The following G2E3 variants were observed in gnomAD, a reference collection of about 807,000 sequenced individuals.
The protein encoded by G2E3 is G2/M-phase specific E3 ubiquitin protein ligase.
In G2E3, 35 loss-of-function variants were observed where a neutral mutation model predicts 92.8. That is an observed-to-expected ratio of 0.38 (90% CI 0.29 to 0.50). The LOEUF is 0.50. G2E3 is among the 20% of genes least tolerant of loss of function. The probability of loss-of-function intolerance (pLI) is 0.94; values close to 1 mark genes in which losing one functional copy is unlikely to be tolerated. For synonymous variants in G2E3, 242 were observed against 272.4 expected (o/e 0.89, Z 1.10); for missense variants, 554 against 823.8 (o/e 0.67, Z 4.01).
chr14:30,587,187 G>A (rs922753793), intron 3 of G2E3, among the ~76,000 whole-genome samples: 5 of 152,032 alleles, frequency 3.3e-5, no homozygotes, highest in Non-Finnish European at 5.9e-5. Context: ...TTCAGGGAGT[G>A]GAATAAAAGT....
intron 10 of G2E3, among the ~76,000 whole-genome samples, 187 bp from the exon 11 acceptor site, chr14:30,605,318 A>G (rs1881777687): frequency 6.6e-6 from 1 of 152,178 alleles, no homozygotes; most frequent in Non-Finnish European, 1.5e-5. Context: ...AGAATTTAAA[A>G]CTAAGATTAT....
rs1422222403 is a variant in G2E3 at position 30,617,713 on chromosome 14, A to G, written c.*1179A>G. The G allele has an allele frequency of 6.6e-6, 1 of 152,114 alleles. No individual in the cohort carries two copies. Among genetic ancestry groups the G allele is most frequent in the Non-Finnish European group, 1.5e-5 (1 of 67,946 alleles). The allele number at this position is 152,114 out of a possible 1,614,324, so 9.4% of individuals were successfully genotyped here. ...CTGTGTATCCTTCTATAAACTCTTT[A>G]CTTCTGTTTCCTTTATTTTTTAACT... On this transcript the variant is annotated 3_prime_UTR_variant, in exon 15 of 15. Coordinates refer to ENST00000206595, the MANE Select transcript of G2E3 (RefSeq NM_017769.5).
intron 4 of G2E3, 79 bp from the exon 5 acceptor site, chr14:30,592,244 A>C (rs1881051876): frequency 2.5e-6 from 3 of 1,193,282 alleles, no homozygotes; most frequent in Non-Finnish European, 3.7e-6. Context: ...CCCCACCAGG[A>C]GTATTTATTT....
At chr14:30,569,000 A>G (rs2075738413) in intron 1 of G2E3, among the ~76,000 whole-genome samples, 1 of 152,076 alleles carries the variant, frequency 6.6e-6, no homozygotes. Flanking sequence ...GGTCTACCAG[A>G]CCTTCTGAGA....
At chr14:30,559,597 A>G (rs1263295699) in intron 1 of G2E3, 3 of 152,174 alleles carry the variant, frequency 2.0e-5, no homozygotes, top group Non-Finnish European at 4.4e-5. Context: ...ATTTCCACCA[A>G]TTCGGCTCGA....
At chr14:30,577,304 C>T (rs1880168943) in intron 1 of G2E3, among the ~76,000 whole-genome samples, 1 of 151,166 alleles carries the variant, frequency 6.6e-6, no homozygotes, top group Non-Finnish European at 1.5e-5. Flanking sequence ...TAGCCATCAG[C>T]TGGAATGAGA....
chr14:30,575,573 T>G (rs1306021835), intron 1 of G2E3, among the ~76,000 whole-genome samples: 1 of 152,156 alleles, frequency 6.6e-6, no homozygotes, highest in Non-Finnish European at 1.5e-5. Context: ...AGAGAGGAAG[T>G]CAAACTATCT....
intron 6 of G2E3, among the ~76,000 whole-genome samples, chr14:30,595,304 ATTTGT>A (rs1167572072): frequency 2.0e-5 from 3 of 152,180 alleles, no homozygotes; most frequent in African/African-American, 7.2e-5. Context: ...TTAAAAAGTA[ATTTGT>A]TTTAATTAAG....
Position 30,615,522 on chromosome 14 carries a change from AC to A in G2E3, c.1848del (p.Leu617TyrfsTer54). On this transcript the variant is annotated frameshift_variant, in exon 14 of 15. Coordinates refer to ENST00000206595, the MANE Select transcript of G2E3 (RefSeq NM_017769.5). LOFTEE classifies it high-confidence loss of function. ...AAAGCTTTGGGGTTTTGGAACAGTT[AC>A]TTACAGGCTGTTGAAGGTATGTGGA... ...DVKALGFWNS[Y>X]LQAVEDGKST... 6.3e-7 allele frequency: 1 copy of A among 1,587,246 alleles called. No homozygotes were observed. Among genetic ancestry groups the A allele is most frequent in the Non-Finnish European group, 8.6e-7 (1 of 1,167,682 alleles).
intron 1 of G2E3, 47 bp from the exon 2 acceptor site, chr14:30,581,029 T>G: frequency 2.0e-6 from 2 of 1,002,766 alleles, no homozygotes; most frequent in Non-Finnish European, 3.2e-6. Context: ...GTTGTTAATT[T>G]GAGACTTTTA....
intron 4 of G2E3, among the ~76,000 whole-genome samples, chr14:30,589,858 T>C (rs1160780958): frequency 2.0e-5 from 3 of 152,098 alleles, no homozygotes; most frequent in African/African-American, 7.2e-5. Context: ...CATATACTTT[T>C]TTATTCTTAT....
At chr14:30,575,534 A>G (rs1227056678) in intron 1 of G2E3, among the ~76,000 whole-genome samples, 1 of 152,204 alleles carries the variant, frequency 6.6e-6, no homozygotes, top group Non-Finnish European at 1.5e-5. Context: ...GTCAGGCAAG[A>G]GAAGGAAATA....
At chr14:30,572,211 T>A (rs1879806511) in intron 1 of G2E3, among the ~76,000 whole-genome samples, 1 of 152,172 alleles carries the variant, frequency 6.6e-6, no homozygotes, top group Non-Finnish European at 1.5e-5. Flanking sequence ...CTTGTTAAAG[T>A]CACTTATTCT....
intron 1 of G2E3, among the ~76,000 whole-genome samples, chr14:30,576,552 G>A (rs185709190): frequency 2.9e-3 from 441 of 152,226 alleles, no homozygotes; most frequent in Non-Finnish European, 4.3e-3. Context: ...TTTCTGCACA[G>A]CAAAAGAAAC....
intron 6 of G2E3, among the ~76,000 whole-genome samples, chr14:30,593,953 C>A (rs975584443): frequency 2.0e-5 from 3 of 152,064 alleles, no homozygotes; most frequent in African/African-American, 4.8e-5. Context: ...TCCTAAGTTT[C>A]ATTTACATAT....
chr14:30,573,190 T>TG lies in G2E3; in HGVS notation c.-4-7885dup, dbSNP rs1285114580. On this transcript the variant is annotated intron_variant, in intron 1 of 14. Coordinates refer to ENST00000206595, the MANE Select transcript of G2E3 (RefSeq NM_017769.5). ...TCCTAGAATGTAAATAATTGATTCA[T>TG]GAAAAAAAAATTCTAATAGCTTTTG... Among the ~76,000 whole-genome samples the TG allele has an allele frequency of 2.6e-5, 4 of 152,142 alleles. No homozygotes were observed. In the East Asian group the frequency reaches 5.8e-4, roughly 22 times the overall value.
chr14:30,615,396 C>T lies in G2E3; in HGVS notation c.1721C>T (p.Ala574Val), dbSNP rs1243438625. 2 of 1,606,566 alleles carry T rather than the reference C, an allele frequency of 1.2e-6. No individual in the cohort carries two copies. Among genetic ancestry groups the T allele is most frequent in the African/African-American group, 2.7e-5 (2 of 74,580 alleles). Residue 574 changes from alanine (A) to valine (V), a missense_variant, in exon 14 of 15, where the codon GCT becomes GTT. Around this residue, in one of 3 missense-constraint regions of G2E3, gnomAD observed 397 missense variants for 560.3 expected, o/e 0.71. Transcript: ENST00000206595. Reference sequence around the variant, plus strand: ...CTTGGTGTTTTGGAGAAAATTCAGGCTTATCCAGAAGCATTTTGTAGCATC... The same window carrying T: ...CTTGGTGTTTTGGAGAAAATTCAGGTTTATCCAGAAGCATTTTGTAGCATC... The part of the protein sequence containing the change: ...KTLGVLEKIQ[A>V]YPEAFCSILC...
At chr14:30,565,632 A>AG (rs1449846819) in intron 1 of G2E3, among the ~76,000 whole-genome samples, 1 of 122,990 alleles carries the variant, frequency 8.1e-6, no homozygotes, top group Non-Finnish European at 1.7e-5. Context: ...CGTGTGAGGT[A>AG]GGGGTTCAAC....
chr14:30,612,922 T>G (rs957041363), intron 13 of G2E3, among the ~76,000 whole-genome samples: 1 of 152,214 alleles, frequency 6.6e-6, no homozygotes, highest in East Asian at 1.9e-4. Flanking sequence ...TGCTTCAGAT[T>G]ATAATTTTTT....
Sources: gnomAD v4.1 joint callset for allele counts (sites outside exome capture counted in the v4.1 genomes callset) on GRCh38, gnomAD v4.1.1 for gene constraint, gnomAD v4.1.1 regional missense constraint, MANE v1.5 for transcripts, NCBI Gene and HGNC (gene_info 2026-07-23, HGNC 2026-07-21) for gene names.